The following KANSL1L variants were observed in gnomAD, a reference collection of about 807,000 sequenced individuals.
The protein encoded by KANSL1L is KAT8 regulatory NSL complex subunit 1 like.
In KANSL1L, 25 loss-of-function variants were observed where a neutral mutation model predicts 108.6. The observed-to-expected ratio is 0.23, with a 90% confidence interval of 0.17 to 0.32. The LOEUF is 0.32. KANSL1L is among the 10% of genes least tolerant of loss of function. The probability of loss-of-function intolerance (pLI) is 1.00; values close to 1 mark genes in which losing one functional copy is unlikely to be tolerated. For missense variants in KANSL1L, 1,137 were observed against 1,125.7 expected, an observed-to-expected ratio of 1.01 and a Z score of -0.14; for synonymous variants, 405 against 395.1, an observed-to-expected ratio of 1.03 and a Z score of -0.30.
intron 8 of KANSL1L, among the ~76,000 whole-genome samples, chr2:210,038,036 T>C (rs2125169112): frequency 6.6e-6 from 1 of 152,238 alleles, no homozygotes; most frequent in African/African-American, 2.4e-5. Context: ...ATCACAACAT[T>C]CTTTGATAAG....
At chr2:210,069,848 A>T (rs2125308338) in intron 6 of KANSL1L, among the ~76,000 whole-genome samples, 1 of 77,724 alleles carries the variant, frequency 1.3e-5, no homozygotes, top group African/African-American at 5.4e-5. Flanking sequence ...TTTTTTTTTG[A>T]GACAGAGTCT....
At chr2:210,038,517 T>C (rs913394837) in intron 8 of KANSL1L, among the ~76,000 whole-genome samples, 2 of 152,040 alleles carry the variant, frequency 1.3e-5, no homozygotes, top group Non-Finnish European at 2.9e-5. Flanking sequence ...AATATTTGCA[T>C]AGTGTCTGAC....
chr2:210,154,716 G>A (rs1165204003), intron 1 of KANSL1L, 105 bp from the exon 2 acceptor site: 2 of 545,558 alleles, frequency 3.7e-6, no homozygotes, highest in Non-Finnish European at 5.7e-6. Context: ...GAACATGAAG[G>A]AACAAAACTC....
At chr2:210,082,285 T>C (rs1243654193) in intron 5 of KANSL1L, among the ~76,000 whole-genome samples, 1 of 152,236 alleles carries the variant, frequency 6.6e-6, no homozygotes, top group Non-Finnish European at 1.5e-5. Context: ...ACATGATAGA[T>C]GACTGCTTTG....
rs899758015 is a variant in KANSL1L, at chr2:210,103,231, A to C, written c.1428+873T>G. ...CTATCACAAGGACGAAAAACCAAAC[A>C]CCGCATATTCTCACTCATAGGTGGG... On this transcript the variant is annotated intron_variant, in intron 4 of 14. Transcript: ENST00000281772. Among the ~76,000 whole-genome samples the C allele has an allele frequency of 2.7e-5, 4 of 147,420 alleles. No individual in the cohort carries two copies. The Admixed American group carries it at 2.7e-4, about 10-fold the overall frequency.
chr2:210,054,948 T>C (rs1049470376), intron 6 of KANSL1L, among the ~76,000 whole-genome samples: 1 of 152,276 alleles, frequency 6.6e-6, no homozygotes, highest in East Asian at 1.9e-4. Flanking sequence ...AGAAAAATTG[T>C]AGAGTACAAA....
At chr2:210,096,173 A>G (rs1355227885) in intron 5 of KANSL1L, among the ~76,000 whole-genome samples, 10 of 152,342 alleles carry the variant, frequency 6.6e-5, no homozygotes. Flanking sequence ...ACTAGTAGAC[A>G]GAATTAAAAA....
Position 210,153,587 on chromosome 2 carries a change from C to G in KANSL1L, c.996G>C (p.Leu332Phe). Reference sequence around the variant, plus strand: ...AATCCAAACCCTCTTCAACATGAGACAACAGCCCTGTAGCAGAAAATGCAA... The same window carrying G: ...AATCCAAACCCTCTTCAACATGAGAGAACAGCCCTGTAGCAGAAAATGCAA... Reference protein sequence around the residue: ...QRFAFSATGLLSHVEEGLDSD... With the variant: ...QRFAFSATGLFSHVEEGLDSD... The change falls in exon 2 of 15, where the codon TTG (leucine) becomes TTC (phenylalanine). Residue 332 changes from leucine to phenylalanine, a missense_variant. This residue lies in a region of KANSL1L where 556 missense variants were observed against 537.7 expected (regional missense o/e 1.03). Transcript: ENST00000281772. 4 of 1,614,128 alleles carry G rather than the reference C, an allele frequency of 2.5e-6. No homozygotes were observed. Among genetic ancestry groups the G allele is most frequent in the Non-Finnish European group, 3.4e-6 (4 of 1,180,016 alleles).
chr2:210,033,542 T>A (rs2094052979), intron 8 of KANSL1L, among the ~76,000 whole-genome samples: 1 of 152,206 alleles, frequency 6.6e-6, no homozygotes, highest in South Asian at 2.1e-4. Context: ...AGTTGATTTT[T>A]TTTTTGAGAC....
intron 8 of KANSL1L, among the ~76,000 whole-genome samples, chr2:210,038,948 G>A (rs1279863042): frequency 6.6e-6 from 1 of 151,864 alleles, no homozygotes; most frequent in African/African-American, 2.4e-5. Flanking sequence ...TGCTTCATAA[G>A]AATTTGTTGT....
chr2:210,162,718 G>A (rs1423080097), intron 1 of KANSL1L, among the ~76,000 whole-genome samples: 1 of 14,688 alleles, frequency 6.8e-5, no homozygotes, highest in East Asian at 0.056. Flanking sequence ...AAAGAAAACT[G>A]AAAAGATCAT....
chr2:210,141,538 G>A (rs77401416), intron 2 of KANSL1L, among the ~76,000 whole-genome samples: 4 of 152,100 alleles, frequency 2.6e-5, no homozygotes, highest in East Asian at 1.9e-4. Context: ...ACCTAACACT[G>A]AATCCGCTGA....
intron 3 of KANSL1L, among the ~76,000 whole-genome samples, chr2:210,128,232 C>T (rs1245796754): frequency 3.3e-5 from 5 of 152,034 alleles, no homozygotes; most frequent in Non-Finnish European, 7.4e-5. Context: ...AAATAAAGTT[C>T]CCATATGATC....
At chr2:210,080,981 C>A (rs551038748) in intron 5 of KANSL1L, among the ~76,000 whole-genome samples, 1 of 152,040 alleles carries the variant, frequency 6.6e-6, no homozygotes, top group Admixed American at 6.6e-5. Flanking sequence ...GTGGTGCATG[C>A]CTGTAGTCCC....
At chr2:210,153,403 G>C (rs2095315598) in intron 2 of KANSL1L, 92 bp downstream of exon 2, 21 of 916,190 alleles carry the variant, frequency 2.3e-5, no homozygotes, top group Non-Finnish European at 3.3e-5. Flanking sequence ...TAAGATTTTA[G>C]AAAATCTATT....
At chr2:210,087,914 T>A (rs1468731) in intron 5 of KANSL1L, among the ~76,000 whole-genome samples, 137,003 of 152,200 alleles carry the variant, frequency 0.9, 63,449 homozygotes, top group Non-Finnish European at 1. Flanking sequence ...AATAAAAATT[T>A]TCTTCATAGC....
intron 1 of KANSL1L, among the ~76,000 whole-genome samples, chr2:210,162,684 A>C (rs2095368276): frequency 6.7e-6 from 1 of 148,268 alleles, no homozygotes; most frequent in East Asian, 2.0e-4. Context: ...AAGGAAGAGG[A>C]GCTATAAAAG....
At chr2:210,089,890 C>T (rs984995065) in intron 5 of KANSL1L, among the ~76,000 whole-genome samples, 1 of 152,072 alleles carries the variant, frequency 6.6e-6, no homozygotes, top group South Asian at 2.1e-4. Flanking sequence ...AAAAATAGTG[C>T]CTCATTGACT....
Position 210,023,188 on chromosome 2 carries a change from G to A in KANSL1L, c.2734-9C>T. The A allele has an allele frequency of 6.2e-7, 1 of 1,607,520 alleles. No homozygotes were observed. ...CGTTCCCACCACAAAGACTGAAAGG[G>A]GAAAAATTTTCAGTTAAGTTTCAAC... On this transcript the variant is annotated splice_polypyrimidine_tract_variant and intron_variant, in intron 14 of 14. Transcript: ENST00000281772.
Sources: gnomAD v4.1 joint callset for allele counts (sites outside exome capture counted in the v4.1 genomes callset) on GRCh38, gnomAD v4.1.1 for gene constraint, gnomAD v4.1.1 regional missense constraint, MANE v1.5 for transcripts, NCBI Gene and HGNC (gene_info 2026-07-23, HGNC 2026-07-21) for gene names.